Variants in CSMD3 observed in about 807,000 individuals in gnomAD.
The protein encoded by CSMD3 is CUB and Sushi multiple domains 3, also known as CUB and sushi domain-containing protein 3.
Under a neutral mutation model 435.2 loss-of-function variants are expected in CSMD3, and 177 were observed. The observed-to-expected ratio is 0.41, with a 90% confidence interval of 0.36 to 0.46. The LOEUF is 0.46. Ranked by LOEUF, CSMD3 falls within the 20% of genes least tolerant of loss-of-function variation. The probability of loss-of-function intolerance (pLI) is 0.34; values close to 1 mark genes in which losing one functional copy is unlikely to be tolerated. For synonymous variants in CSMD3, 1,656 were observed against 1,520.5 expected (o/e 1.09, Z -2.07); for missense variants, 4,265 against 4,504.6 (o/e 0.95, Z 1.52).
chr8:113,392,264 A>T (rs1432509628), intron 1 of CSMD3, among the ~76,000 whole-genome samples: 1 of 152,102 alleles, frequency 6.6e-6, no homozygotes, highest in East Asian at 1.9e-4. Context: ...TCTTACACCA[A>T]ATCAATAAAG....
At chr8:113,402,149 G>C (rs2094512956) in intron 1 of CSMD3, among the ~76,000 whole-genome samples, 2 of 151,108 alleles carry the variant, frequency 1.3e-5, no homozygotes, top group African/African-American at 4.8e-5. Context: ...AACATCTTTT[G>C]AGTCACTATC....
chr8:112,853,587 G>A (rs1444304713), intron 11 of CSMD3, among the ~76,000 whole-genome samples: 3 of 152,114 alleles, frequency 2.0e-5, no homozygotes, highest in South Asian at 4.1e-4. Flanking sequence ...AGATCTTTCA[G>A]TCTCATGGTT....
intron 22 of CSMD3, among the ~76,000 whole-genome samples, chr8:112,614,630 T>A (rs1833524482): frequency 6.6e-6 from 1 of 152,106 alleles, no homozygotes; most frequent in Admixed American, 6.6e-5. Context: ...CTGTTCCATC[T>A]AGAGCTTTTT....
intron 32 of CSMD3, among the ~76,000 whole-genome samples, chr8:112,435,759 G>A (rs1049499472): frequency 3.9e-5 from 6 of 152,088 alleles, no homozygotes; most frequent in African/African-American, 1.4e-4. Flanking sequence ...TTACGTCTTA[G>A]ATTTAAAAAC....
chr8:113,387,461 A>G (rs2094444011), intron 1 of CSMD3, among the ~76,000 whole-genome samples: 1 of 151,918 alleles, frequency 6.6e-6, no homozygotes, highest in Non-Finnish European at 1.5e-5. Flanking sequence ...AGGAACAAAG[A>G]TAAATAAGAT....
chr8:112,659,839 C>T (rs1330899246), intron 17 of CSMD3, among the ~76,000 whole-genome samples: 13 of 151,952 alleles, frequency 8.6e-5, no homozygotes, highest in Admixed American at 7.9e-4. Context: ...GTTTTATTGA[C>T]AAGCTGTTGA....
chr8:112,746,789 A>G (rs934780344), intron 13 of CSMD3, among the ~76,000 whole-genome samples: 6 of 152,202 alleles, frequency 3.9e-5, no homozygotes, highest in Non-Finnish European at 8.8e-5. Flanking sequence ...ATCTGACAAT[A>G]TAATTCAACA....
In CSMD3 at chr8:112,341,463, A is replaced by G; in HGVS notation, c.6652+14T>C. ...GGGGTTATATAAATTTTCATTTTTT[A>G]TTATTTCTCTTACCTTGGTATACAA... On this transcript the variant is annotated intron_variant, in intron 42 of 70. Transcript: ENST00000297405. 1.3e-6 allele frequency: 2 copies of G among 1,528,822 alleles called. No homozygotes were observed. The highest frequency in any genetic ancestry group is 1.8e-6 in the Non-Finnish European group (2 of 1,103,904). 94.7% of individuals were successfully genotyped at this position (1,528,822 alleles called of 1,614,324 possible). A position where few individuals can be genotyped will look rare whatever the true frequency, so the allele number is the denominator to read the frequency against.
At chr8:112,801,242 T>C (rs966682454) in intron 12 of CSMD3, among the ~76,000 whole-genome samples, 4 of 151,878 alleles carry the variant, frequency 2.6e-5, no homozygotes, top group African/African-American at 7.2e-5. Flanking sequence ...CCTACGAGAG[T>C]GTTTAGTCTC....
intron 27 of CSMD3, among the ~76,000 whole-genome samples, chr8:112,547,786 CAG>C (rs143314530): frequency 4.0e-5 from 6 of 151,184 alleles, no homozygotes; most frequent in East Asian, 1.9e-4. Context: ...TGGAAAGCAG[CAG>C]AGAGAGAGAG....
At chr8:112,889,326 T>G (rs149368893) in intron 10 of CSMD3, among the ~76,000 whole-genome samples, 52 of 151,796 alleles carry the variant, frequency 3.4e-4, no homozygotes, top group African/African-American at 1.1e-3. Flanking sequence ...TCAGCCTCCA[T>G]GATCCTTTCA....
At chr8:112,545,105 G>A (rs924931557) in intron 27 of CSMD3, among the ~76,000 whole-genome samples, 1 of 151,980 alleles carries the variant, frequency 6.6e-6, no homozygotes, top group South Asian at 2.1e-4. Context: ...TCATGGCCTG[G>A]CAGTCTTACG....
intron 37 of CSMD3, 28 bp downstream of exon 37, chr8:112,383,539 T>C: frequency 8.3e-7 from 1 of 1,203,492 alleles, no homozygotes; most frequent in Non-Finnish European, 1.2e-6. Flanking sequence ...ATATCTGTAT[T>C]TTAATTAAGC....
At chr8:113,080,286 T>C (rs2089507541) in intron 5 of CSMD3, among the ~76,000 whole-genome samples, 2 of 152,162 alleles carry the variant, frequency 1.3e-5, no homozygotes, top group South Asian at 4.1e-4. Context: ...CTTAATTGAG[T>C]AATGTCCATA....
At chr8:112,668,177 C>A (rs2075570455) in intron 16 of CSMD3, among the ~76,000 whole-genome samples, 1 of 151,960 alleles carries the variant, frequency 6.6e-6, no homozygotes, top group Admixed American at 6.6e-5. Context: ...TAAAGGAGGC[C>A]ATTTTTATGA....
intron 4 of CSMD3, among the ~76,000 whole-genome samples, chr8:113,108,077 T>C (rs1038428798): frequency 6.6e-6 from 1 of 152,128 alleles, no homozygotes; most frequent in African/African-American, 2.4e-5. Context: ...GTATGTTAAA[T>C]GGAGCAAAAA....
chr8:112,566,320 ATAT>A (rs1829061478), intron 24 of CSMD3, among the ~76,000 whole-genome samples: 1 of 152,052 alleles, frequency 6.6e-6, no homozygotes. Flanking sequence ...GGGAATAATA[ATAT>A]TATCTCCCTC....
chr8:112,556,991 TAGG>T (rs746785570), intron 24 of CSMD3, 37 bp from the exon 25 acceptor site: 1 of 1,273,548 alleles, frequency 7.9e-7, no homozygotes, highest in African/African-American at 1.5e-5. Context: ...AGGCAAAATT[TAGG>T]AGGAGGATTT....
chr8:112,640,809 A>G (rs140468651), intron 20 of CSMD3, among the ~76,000 whole-genome samples: 322 of 152,218 alleles, frequency 2.1e-3, no homozygotes, highest in African/African-American at 7.4e-3. Context: ...AAGTTCAGAT[A>G]AGTCAGTCTT....
Sources: gnomAD v4.1 joint callset for allele counts (sites outside exome capture counted in the v4.1 genomes callset) on GRCh38, gnomAD v4.1.1 for gene constraint, MANE v1.5 for transcripts, NCBI Gene and HGNC (gene_info 2026-07-23, HGNC 2026-07-21) for gene names.